GOLGA8M: variants seen among roughly 807,000 people sequenced by gnomAD.
GOLGA8M encodes golgin A8 family member M.
A neutral mutation model predicts 87.7 loss-of-function variants in GOLGA8M; 34 were observed. That is an observed-to-expected ratio of 0.39 (90% CI 0.29 to 0.52). The LOEUF is 0.52. Ranked by LOEUF, GOLGA8M falls within the 20% of genes least tolerant of loss-of-function variation. The pLI is 0.80. For synonymous variants in GOLGA8M, 138 were observed against 250.2 expected (o/e 0.55, Z 4.23); for missense variants, 396 against 682.2 (o/e 0.58, Z 4.67).
chr15:28,702,589 G>A, intron 16 of GOLGA8M, 27 bp from the exon 17 acceptor site: 1 of 1,609,600 alleles, frequency 6.2e-7, no homozygotes, highest in African/African-American at 1.3e-5. Context: ...CTCAGACGCT[G>A]GGGCCCCTCC....
rs2079738540 is a variant in GOLGA8M, at chr15:28,698,642, AT to A, written c.*3311del. On this transcript the variant is annotated 3_prime_UTR_variant, in exon 19 of 19. Coordinates refer to ENST00000563027, the MANE Select transcript of GOLGA8M (RefSeq NM_001282468.3). ...TTTTAATAAACACTTGCATAGTTAT[AT>A]TACAACTTTGTAAAAATGAAACACA... is the stretch of plus-strand genomic sequence containing the variant. Among the ~76,000 whole-genome samples the A allele has an allele frequency of 6.8e-6, 1 of 147,282 alleles. No homozygotes were observed. Among genetic ancestry groups the A allele is most frequent in the Non-Finnish European group, 1.5e-5 (1 of 67,710 alleles).
chr15:28,707,358 G>GCA (rs2080064444), intron 8 of GOLGA8M, among the ~76,000 whole-genome samples: 1 of 132,084 alleles, frequency 7.6e-6, no homozygotes, highest in South Asian at 2.4e-4. Context: ...ATCATAGTAT[G>GCA]TACACACACA....
rs2080087770 is a variant in GOLGA8M at position 28,707,987 on chromosome 15, C to T, written c.447G>A (p.Leu149=). 4 of 1,596,654 alleles carry T rather than the reference C, an allele frequency of 2.5e-6. No individual in the cohort carries two copies. The highest frequency in any genetic ancestry group is 3.4e-6 in the Non-Finnish European group (4 of 1,178,334). ...ATCTGAGAGAACGTTTCATGTGGTA[C>T]AGGTCCGTATTTAGTTCCTCTTTCT... The part of the protein sequence containing the change: ...NIQKEELNTD[L]YHMKRSLRYF... Residue 149 remains leucine, a synonymous_variant, in exon 7 of 19, where the codon CTG becomes CTA. Transcript: ENST00000563027.
Position 28,701,299 on chromosome 15 carries a change from A to G in GOLGA8M, c.*655T>C, listed in dbSNP as rs1431609841. ...ACTCTATCCTGCACATACCTGCCAG[A>G]GGAAGCCACTTTCCTCTTCTGTGAG... is the stretch of plus-strand genomic sequence containing the variant. On this transcript the variant is annotated 3_prime_UTR_variant, in exon 19 of 19. Transcript: ENST00000563027. 1.3e-5 allele frequency among the ~76,000 whole-genome samples: 2 copies of G among 151,412 alleles called. No homozygotes were observed. The highest frequency in any genetic ancestry group is 4.9e-5 in the African/African-American group (2 of 40,988).
intron 13 of GOLGA8M, among the ~76,000 whole-genome samples, 164 bp from the exon 14 acceptor site, chr15:28,704,081 C>T (rs1037946898): frequency 6.8e-6 from 1 of 148,116 alleles, no homozygotes; most frequent in Non-Finnish European, 1.5e-5. Context: ...GGTTCATTAG[C>T]TGGGTCTGCT....
At position 28,702,563 on chromosome 15, in the gene GOLGA8M, C is replaced by G. The variant is rs1351272884; in HGVS notation, c.1470-1G>C. ...TTCTGATAAAAGGTGATGGATTTTC[C>G]TGCGGGAGGACGGGGCTCAGACGCT... On this transcript the variant is annotated splice_acceptor_variant, in intron 16 of 18. Transcript: ENST00000563027. LOFTEE classifies it high-confidence loss of function. 3.1e-6 allele frequency: 5 copies of G among 1,607,466 alleles called. No homozygotes were observed. The highest frequency in any genetic ancestry group is 3.4e-6 in the Non-Finnish European group (4 of 1,179,724).
intron 15 of GOLGA8M, 34 bp from the exon 16 acceptor site, chr15:28,702,779 G>A (rs2079848774): frequency 1.3e-5 from 21 of 1,593,872 alleles, no homozygotes; most frequent in East Asian, 2.3e-5. Context: ...CATCTCGGCA[G>A]CGACCTGCCC....
intron 18 of GOLGA8M, 41 bp from the exon 19 acceptor site, chr15:28,702,170 C>G: frequency 1.3e-6 from 2 of 1,557,342 alleles, no homozygotes; most frequent in Non-Finnish European, 1.7e-6. Flanking sequence ...ACAGTGGGAG[C>G]CCCCTCTTCC....
intron 5 of GOLGA8M, 44 bp downstream of exon 5, chr15:28,708,331 C>T: frequency 9.9e-6 from 16 of 1,608,744 alleles, no homozygotes; most frequent in Non-Finnish European, 1.4e-5. Context: ...GAAGGGTGAG[C>T]CTTCTTCCAG....
chr15:28,705,686 G>A lies in GOLGA8M; in HGVS notation c.928C>T (p.His310Tyr). The A allele has an allele frequency of 3.8e-6, 6 of 1,580,324 alleles. No individual in the cohort carries two copies. The Middle Eastern group carries it at 6.6e-4, about 173-fold the overall frequency. Residue 310 changes from histidine to tyrosine, a missense_variant, in exon 12 of 19, where the codon CAC becomes TAC. Physicochemically the swap from His to Tyr is moderately conservative, Grantham distance 83 (BLOSUM62 2). Coordinates refer to ENST00000563027, the MANE Select transcript of GOLGA8M (RefSeq NM_001282468.3). Reference protein sequence around the residue: ...PAVPSEVELQHLRKELERVAG... With the variant: ...PAVPSEVELQYLRKELERVAG... ...ACTCTCTCTAGTTCCTTCCTCAGGT[G>A]CTGCAGCTCCACCTCAGAGGGCACT...
At chr15:28,705,088 TC>T (rs1359634945) in intron 13 of GOLGA8M, 70 bp downstream of exon 13, 1 of 1,582,994 alleles carries the variant, frequency 6.3e-7, no homozygotes, top group African/African-American at 1.3e-5. Flanking sequence ...GCCTGGTACC[TC>T]CCCTCCCCAG....
rs1369647845 is a variant in GOLGA8M, at chr15:28,711,691, G to A, written c.48+585C>T. ...ATCAAAGGCCAGTCTTGCAGTAACG[G>A]CAGTTACTAGGTGGGCTGTGACATC... On this transcript the variant is annotated intron_variant, in intron 1 of 18. Coordinates refer to ENST00000563027, the MANE Select transcript of GOLGA8M (RefSeq NM_001282468.3). 9.1e-6 allele frequency: 9 copies of A among 984,498 alleles called. No individual in the cohort carries two copies. The Admixed American group carries it at 5.5e-4, about 61-fold the overall frequency. The allele number at this position is 984,498 out of a possible 1,614,324, so 61.0% of individuals were successfully genotyped here. A position where few individuals can be genotyped will look rare whatever the true frequency, so the allele number is the denominator to read the frequency against.
chr15:28,711,632 C>A, intron 1 of GOLGA8M: 1 of 985,130 alleles, frequency 1.0e-6, no homozygotes, highest in Non-Finnish European at 1.2e-6. Context: ...GAACCAGAAA[C>A]GAGGTGAGAA....
intron 13 of GOLGA8M, among the ~76,000 whole-genome samples, chr15:28,704,806 C>G (rs993468040): frequency 1.2e-4 from 17 of 145,420 alleles, no homozygotes; most frequent in Non-Finnish European, 2.5e-4. Flanking sequence ...AGGCTGATCT[C>G]AAACTCCCGA....
Position 28,705,111 on chromosome 15 carries a change from C to T in GOLGA8M, c.1200+48G>A, listed in dbSNP as rs752452805. The T allele has an allele frequency of 1.8e-4, 283 of 1,594,964 alleles. 1 individual carries two copies. Among genetic ancestry groups the T allele is most frequent in the Non-Finnish European group, 1.8e-4 (210 of 1,178,674 alleles). ...CCTCCCCTCCCCAGAGGCTGCTGCCCGCCTCCCAGCCCTTCTTGGATGGGG... is the reference window on the plus strand; with the variant it reads ...CCTCCCCTCCCCAGAGGCTGCTGCCTGCCTCCCAGCCCTTCTTGGATGGGG... On this transcript the variant is annotated intron_variant, in intron 13 of 18. Coordinates refer to ENST00000563027, the MANE Select transcript of GOLGA8M (RefSeq NM_001282468.3).
intron 8 of GOLGA8M, 58 bp from the exon 9 acceptor site, chr15:28,706,757 GC>G: frequency 1.4e-6 from 2 of 1,456,660 alleles, no homozygotes; most frequent in Non-Finnish European, 1.9e-6. Flanking sequence ...TCCACACAGT[GC>G]CCCTTAACAG....
chr15:28,701,755 G>A lies in GOLGA8M; in HGVS notation c.*199C>T, dbSNP rs1157972575. Among the ~76,000 whole-genome samples the A allele has an allele frequency of 3.3e-5, 5 of 151,890 alleles. No homozygotes were observed. The highest frequency in any genetic ancestry group is 7.4e-5 in the Non-Finnish European group (5 of 67,994). ...AAGAAAAATGCTAAAGGATGCCAGAGTGAACATCAGTGAGAGCCACAGACA... is the reference window on the plus strand; with the variant it reads ...AAGAAAAATGCTAAAGGATGCCAGAATGAACATCAGTGAGAGCCACAGACA... On this transcript the variant is annotated 3_prime_UTR_variant, in exon 19 of 19. Transcript: ENST00000563027.
upstream of GOLGA8M, chr15:28,712,422 G>C: frequency 6.3e-7 from 1 of 1,586,732 alleles, no homozygotes; most frequent in South Asian, 1.1e-5. Context: ...CTGTGTGACT[G>C]AGCCAGAGGA....
intron 4 of GOLGA8M, among the ~76,000 whole-genome samples, chr15:28,708,798 A>G (rs1288289273): frequency 6.6e-6 from 1 of 151,900 alleles, no homozygotes; most frequent in Non-Finnish European, 1.5e-5. Context: ...ATGGAAAAGG[A>G]CAGACAGGAG....
Sources: allele counts gnomAD v4.1 joint callset (sites outside exome capture counted in the v4.1 genomes callset), GRCh38; gene constraint gnomAD v4.1.1; transcripts MANE v1.5; gene names NCBI Gene and HGNC (gene_info 2026-07-23, HGNC 2026-07-21).